CAMTA1: variants seen among roughly 807,000 people sequenced by gnomAD.
CAMTA1 encodes the protein calmodulin-binding transcription activator 1.
CAMTA1 carries 27 observed loss-of-function variants against 170.9 expected under a neutral mutation model. The ratio of observed to expected loss-of-function variants is 0.16; its 90% CI spans 0.12 to 0.22. The LOEUF (loss-of-function observed/expected upper bound fraction) is 0.22, where lower values mean the gene tolerates loss of function less well. Ranked by LOEUF, CAMTA1 falls within the 10% of genes least tolerant of loss-of-function variation. The pLI, the probability that CAMTA1 is intolerant of heterozygous loss-of-function variation, is 1.00. For synonymous variants in CAMTA1, 833 were observed against 891.5 expected (o/e 0.93, Z 1.17); for missense variants, 1,619 against 2,217.2 (o/e 0.73, Z 5.42).
chr1:7,607,884 T>C (rs1037034934), intron 6 of CAMTA1, among the ~76,000 whole-genome samples: 7 of 152,142 alleles, frequency 4.6e-5, no homozygotes, highest in Admixed American at 2.6e-4. Flanking sequence ...CTGACCCCAG[T>C]TGGCTTTTGT....
At chr1:7,305,167 T>C (rs1165450644) in intron 5 of CAMTA1, among the ~76,000 whole-genome samples, 2 of 152,154 alleles carry the variant, frequency 1.3e-5, no homozygotes, top group Admixed American at 6.5e-5. Context: ...AAATTCTGAA[T>C]TGTATTTGGA....
chr1:7,132,794 T>C (rs942833883), intron 4 of CAMTA1, among the ~76,000 whole-genome samples: 2 of 152,232 alleles, frequency 1.3e-5, no homozygotes, highest in African/African-American at 4.8e-5. Context: ...TTACTGAGAT[T>C]TCTGCTGTGA....
At chr1:6,886,405 CTAAT>C (rs1673237336) in intron 3 of CAMTA1, 2 of 400,204 alleles carry the variant, frequency 5.0e-6, no homozygotes, top group Non-Finnish European at 9.8e-6. Context: ...TCTTAAGTAA[CTAAT>C]TATTTAGTTG....
chr1:7,575,835 C>T (rs756761566), intron 6 of CAMTA1, among the ~76,000 whole-genome samples: 1 of 152,140 alleles, frequency 6.6e-6, no homozygotes, highest in Non-Finnish European at 1.5e-5. Context: ...GAAATCCACT[C>T]GGAGAAGGAA....
At chr1:7,502,385 G>A (rs182572680) in intron 6 of CAMTA1, among the ~76,000 whole-genome samples, 6 of 152,324 alleles carry the variant, frequency 3.9e-5, no homozygotes, top group African/African-American at 7.2e-5. Flanking sequence ...TGTAGTACAC[G>A]AGTTCTCCAG....
In CAMTA1 at chr1:7,592,258, C is replaced by T. The variant is rs888244650; in HGVS notation, c.511-48142C>T. On this transcript the variant is annotated intron_variant, in intron 6 of 22. Coordinates refer to ENST00000303635, the MANE Select transcript of CAMTA1 (RefSeq NM_015215.4). The surrounding 1 kb of genome is among the most constrained non-coding windows in gnomAD (Gnocchi z 4.6). Reference sequence around the variant, plus strand: ...TCTTTGAAGGCCCCTTCCCCAACCACGCCCATCACTGTCCTTGCCATCACT... The same window carrying T: ...TCTTTGAAGGCCCCTTCCCCAACCATGCCCATCACTGTCCTTGCCATCACT... Among the ~76,000 whole-genome samples the T allele has an allele frequency of 8.5e-5, 13 of 152,156 alleles. No homozygotes were observed. The highest frequency in any genetic ancestry group is 1.5e-5 in the Non-Finnish European group (1 of 68,038).
intron 6 of CAMTA1, among the ~76,000 whole-genome samples, chr1:7,560,899 G>A (rs981060843): frequency 2.0e-5 from 3 of 152,106 alleles, no homozygotes; most frequent in Admixed American, 1.3e-4. Flanking sequence ...AGGAAGGAAC[G>A]CTGGGGTATG....
chr1:7,291,299 C>T (rs1044170089), intron 5 of CAMTA1, among the ~76,000 whole-genome samples: 5 of 152,230 alleles, frequency 3.3e-5, no homozygotes, highest in East Asian at 1.9e-4. Flanking sequence ...GAGTGTATCT[C>T]GGGAGAGTGC....
In CAMTA1 at chr1:7,233,367, T is replaced by C. The variant is rs556499802; in HGVS notation, c.303-16124T>C. On this transcript the variant is annotated intron_variant, in intron 4 of 22. Transcript: ENST00000303635. The stretch of plus-strand genomic sequence containing the variant: ...CAGGGCTCCCATCACTGTGCTGGGA[T>C]GGGGCTTACGTGACCTGGCTGCACC... Among the ~76,000 whole-genome samples the C allele has an allele frequency of 1.6e-4, 25 of 152,254 alleles. No individual in the cohort carries two copies. In the South Asian group the frequency reaches 5.2e-3, roughly 32 times the overall value.
intron 3 of CAMTA1, among the ~76,000 whole-genome samples, chr1:7,059,534 C>G (rs927413783): frequency 4.6e-5 from 7 of 152,074 alleles, no homozygotes; most frequent in Admixed American, 2.6e-4. Flanking sequence ...GCAGGAGGAT[C>G]GCTTGAGCAC....
chr1:6,915,397 C>T (rs1680568109), intron 3 of CAMTA1, among the ~76,000 whole-genome samples: 1 of 152,108 alleles, frequency 6.6e-6, no homozygotes, highest in Non-Finnish European at 1.5e-5. Context: ...TTATAATTTC[C>T]CTGTCCTGTC....
chr1:7,063,165 G>T lies in CAMTA1; in HGVS notation c.235-28139G>T, dbSNP rs988553740. 1.7e-4 allele frequency among the ~76,000 whole-genome samples: 26 copies of T among 152,272 alleles called. No individual in the cohort carries two copies. The highest frequency in any genetic ancestry group is 1.5e-3 in the Admixed American group (23 of 15,296). On this transcript the variant is annotated intron_variant, in intron 3 of 22. Transcript: ENST00000303635. This position sits in a 1 kb window ranked among gnomAD's most constrained non-coding sequence, Gnocchi z 4.3. ...CACCATTGTGTTCCCAGCATCTCTG[G>T]CAGGATGCTGATCGGATAACCAGTG... is the stretch of plus-strand genomic sequence containing the variant.
intron 6 of CAMTA1, among the ~76,000 whole-genome samples, chr1:7,602,142 T>TCCTTCCTTCCTTCCTTCCTC (rs1401985805): frequency 1.1e-5 from 1 of 87,364 alleles, no homozygotes; most frequent in Non-Finnish European, 2.2e-5. Flanking sequence ...CTTCCTTCCT[T>TCCTTCCTTCCTTCCTTCCTC]CCTCCCTCCC....
At chr1:7,621,122 T>C (rs1157900527) in intron 6 of CAMTA1, among the ~76,000 whole-genome samples, 1 of 152,112 alleles carries the variant, frequency 6.6e-6, no homozygotes, top group East Asian at 1.9e-4. Flanking sequence ...TTGAGAGGCA[T>C]TGCACCCTGA....
chr1:6,946,188 C>CTTTTTTT (rs58150091), intron 3 of CAMTA1, among the ~76,000 whole-genome samples: 2 of 145,506 alleles, frequency 1.4e-5, no homozygotes, highest in Non-Finnish European at 1.5e-5. Flanking sequence ...TCTTTCTCTT[C>CTTTTTTT]TTTTTTTTTT....
At position 7,093,255 on chromosome 1, in the gene CAMTA1, G is replaced by C. The variant is rs905902686; in HGVS notation, c.302+1884G>C. On this transcript the variant is annotated intron_variant, in intron 4 of 22. Transcript: ENST00000303635. The surrounding 1 kb of genome is among the most constrained non-coding windows in gnomAD (Gnocchi z 4.6). ...GGTGCGGTGCAGGGGGCCTGAACAT[G>C]TGTTATTTCTAACAAGCTCCCAGGC... Among the ~76,000 whole-genome samples, 1 of 152,154 alleles carries C rather than the reference G, an allele frequency of 6.6e-6. No individual in the cohort carries two copies. Among genetic ancestry groups the C allele is most frequent in the Non-Finnish European group, 1.5e-5 (1 of 68,034 alleles).
chr1:7,077,199 A>T (rs976432498), intron 3 of CAMTA1, among the ~76,000 whole-genome samples: 32 of 149,236 alleles, frequency 2.1e-4, no homozygotes, highest in African/African-American at 7.6e-4. Flanking sequence ...TTCCAAATGC[A>T]GGCAGTTCTG....
intron 7 of CAMTA1, among the ~76,000 whole-genome samples, chr1:7,646,890 A>G (rs1162250396): frequency 1.3e-5 from 2 of 152,144 alleles, no homozygotes; most frequent in Admixed American, 6.5e-5. Flanking sequence ...CCCCTAACAC[A>G]CTGGTCCTCA....
intron 3 of CAMTA1, among the ~76,000 whole-genome samples, chr1:7,043,731 C>CG (rs1704876682): frequency 6.6e-6 from 1 of 152,102 alleles, no homozygotes; most frequent in Non-Finnish European, 1.5e-5. Flanking sequence ...TTTTCGTCTT[C>CG]GGTGGGTGGC....
Sources: gnomAD v4.1 joint callset for allele counts (sites outside exome capture counted in the v4.1 genomes callset) on GRCh38, gnomAD v4.1.1 for gene constraint, Gnocchi (gnomAD v3.1) non-coding constraint, MANE v1.5 for transcripts, NCBI Gene and HGNC (gene_info 2026-07-23, HGNC 2026-07-21) for gene names.